The following NCKAP5 variants were observed in gnomAD, a reference collection of about 807,000 sequenced individuals.
The protein encoded by NCKAP5 is nck-associated protein 5.
In NCKAP5, 92 loss-of-function variants were observed where a neutral mutation model predicts 167.0. That is an observed-to-expected ratio of 0.55 (90% CI 0.47 to 0.66). The LOEUF (loss-of-function observed/expected upper bound fraction) is 0.66. Among genes scored for constraint, NCKAP5 ranks in the 30% least tolerant of loss-of-function variants. The pLI is 0.00. For missense variants in NCKAP5, 2,378 were observed against 2,315.0 expected, an observed-to-expected ratio of 1.03 and a Z score of -0.56; for synonymous variants, 891 against 877.4, an observed-to-expected ratio of 1.02 and a Z score of -0.27.
intron 7 of NCKAP5, among the ~76,000 whole-genome samples, chr2:132,988,502 A>G (rs1430361939): frequency 2.0e-5 from 3 of 151,290 alleles, no homozygotes; most frequent in Non-Finnish European, 4.4e-5. Context: ...TTACAGACTA[A>G]GAGATTTCCC....
chr2:132,861,022 C>T (rs1689865556), intron 10 of NCKAP5, among the ~76,000 whole-genome samples: 1 of 151,960 alleles, frequency 6.6e-6, no homozygotes. Flanking sequence ...AAGAAACTAT[C>T]ATTTCTGATG....
At chr2:133,610,762 G>A in the NCKAP5 span, among the ~76,000 whole-genome samples, 1 of 152,046 alleles carries the variant, frequency 6.6e-6, no homozygotes, top group Non-Finnish European at 1.5e-5. Context: ...TACAGCTCTT[G>A]TTCTCAAGTG....
At chr2:132,723,684 C>T (rs978761169) in intron 19 of NCKAP5, among the ~76,000 whole-genome samples, 2 of 152,164 alleles carry the variant, frequency 1.3e-5, no homozygotes, top group Admixed American at 1.3e-4. Context: ...TGCTTAACAG[C>T]CATGTGTACA....
intron 16 of NCKAP5, among the ~76,000 whole-genome samples, chr2:132,770,796 G>A (rs1042858281): frequency 2.0e-5 from 3 of 152,104 alleles, no homozygotes; most frequent in South Asian, 2.1e-4. Context: ...GGCCAATGAC[G>A]AACTGCATAC....
rs113615464 is a variant in NCKAP5 at position 133,230,768 on chromosome 2, G to A, written c.144-16989C>T. Reference sequence around the variant, plus strand: ...CCCTCAGCTATCTTTTTCTGAAACCGACTTCAACACTAGTTTCCCATATGT... The same window carrying A: ...CCCTCAGCTATCTTTTTCTGAAACCAACTTCAACACTAGTTTCCCATATGT... On this transcript the variant is annotated intron_variant, in intron 4 of 19. Transcript: ENST00000409261. Among the ~76,000 whole-genome samples the A allele has an allele frequency of 9.0e-3, 1,371 of 152,074 alleles. 4 individuals are homozygous for A. The highest frequency in any genetic ancestry group is 0.017 in the Middle Eastern group (5 of 294).
chr2:133,311,979 G>A (rs1292090495), intron 3 of NCKAP5, among the ~76,000 whole-genome samples: 1 of 152,058 alleles, frequency 6.6e-6, no homozygotes, highest in Non-Finnish European at 1.5e-5. Flanking sequence ...TTCTAATCTT[G>A]CAACTCTGAG....
intron 5 of NCKAP5, among the ~76,000 whole-genome samples, chr2:133,181,839 A>T (rs2084752391): frequency 6.6e-6 from 1 of 152,120 alleles, no homozygotes; most frequent in African/African-American, 2.4e-5. Flanking sequence ...ATTTAAAAAC[A>T]TGACAGACAC....
At chr2:132,868,886 A>G in intron 10 of NCKAP5, 50 bp downstream of exon 10, 1 of 1,405,072 alleles carries the variant, frequency 7.1e-7, no homozygotes, top group Non-Finnish European at 9.7e-7. Context: ...ATGAGCTCCA[A>G]TATAGTCACA....
At chr2:133,435,084 A>C (rs1690388557) in intron 3 of NCKAP5, among the ~76,000 whole-genome samples, 1 of 152,198 alleles carries the variant, frequency 6.6e-6, no homozygotes, top group African/African-American at 2.4e-5. Context: ...GGCCATGACT[A>C]TTACACCATC....
intron 10 of NCKAP5, among the ~76,000 whole-genome samples, chr2:132,865,191 C>T (rs1558874036): frequency 1.3e-5 from 2 of 152,082 alleles, no homozygotes; most frequent in South Asian, 2.1e-4. Context: ...GCTTCAACAT[C>T]GAATACTAAA....
chr2:132,806,488 T>C (rs1198444477), intron 11 of NCKAP5, among the ~76,000 whole-genome samples: 2 of 152,178 alleles, frequency 1.3e-5, no homozygotes, highest in South Asian at 2.1e-4. Flanking sequence ...GGTATTGCAT[T>C]GTGGTTTTGA....
chr2:132,879,530 G>C lies in NCKAP5; in HGVS notation c.580-614C>G, dbSNP rs144219242. On this transcript the variant is annotated intron_variant, in intron 8 of 19. Transcript: ENST00000409261. ...TTGAATATGGTTACTAGGTTGACAT[G>C]TAGAATAGTAAGGGGAAAGAAAAGT... Among the ~76,000 whole-genome samples, 957 of 152,322 alleles carry C rather than the reference G, an allele frequency of 6.3e-3. 11 individuals carry two copies. The highest frequency in any genetic ancestry group is 0.022 in the African/African-American group (901 of 41,568).
chr2:133,328,160 C>T (rs1270334614), intron 3 of NCKAP5, among the ~76,000 whole-genome samples: 6 of 152,318 alleles, frequency 3.9e-5, no homozygotes, highest in African/African-American at 7.2e-5. Flanking sequence ...TTCATCCCAA[C>T]GTGCTGACTC....
intron 3 of NCKAP5, among the ~76,000 whole-genome samples, chr2:133,321,518 G>C (rs1682051073): frequency 6.6e-6 from 1 of 152,174 alleles, no homozygotes; most frequent in Non-Finnish European, 1.5e-5. Flanking sequence ...GACAAAACTA[G>C]GTTTTAGTAG....
At chr2:132,974,594 T>C (rs893409) in intron 7 of NCKAP5, among the ~76,000 whole-genome samples, 10,829 of 152,246 alleles carry the variant, frequency 0.071, 785 homozygotes, top group East Asian at 0.23. Context: ...ATTTTGGACG[T>C]CATGCTCTTT....
intron 6 of NCKAP5, among the ~76,000 whole-genome samples, chr2:133,086,403 C>T (rs1022586054): frequency 6.6e-6 from 1 of 152,050 alleles, no homozygotes; most frequent in Non-Finnish European, 1.5e-5. Context: ...TATGGGAGAA[C>T]GAGGTAGGAG....
intron 5 of NCKAP5, among the ~76,000 whole-genome samples, chr2:133,150,239 C>T (rs2083339165): frequency 6.6e-6 from 1 of 152,156 alleles, no homozygotes; most frequent in African/African-American, 2.4e-5. Flanking sequence ...CACATTCTAG[C>T]TCTGTCCTAC....
chr2:133,431,326 C>A (rs2151126765), intron 3 of NCKAP5, among the ~76,000 whole-genome samples: 1 of 152,274 alleles, frequency 6.6e-6, no homozygotes, highest in African/African-American at 2.4e-5. Context: ...AAGTTGTCTT[C>A]AGATGTGTAA....
chr2:132,748,023 T>TA (rs1339728378), intron 16 of NCKAP5, among the ~76,000 whole-genome samples: 1 of 152,218 alleles, frequency 6.6e-6, no homozygotes, highest in Non-Finnish European at 1.5e-5. Flanking sequence ...TGAAGAATGG[T>TA]ATTAGCTCAC....
Sources: gnomAD v4.1 joint callset for allele counts (sites outside exome capture counted in the v4.1 genomes callset) on GRCh38, gnomAD v4.1.1 for gene constraint, MANE v1.5 for transcripts, NCBI Gene and HGNC (gene_info 2026-07-23, HGNC 2026-07-21) for gene names.